PLEKHG5: variants seen among roughly 807,000 people sequenced by gnomAD.
PLEKHG5 encodes pleckstrin homology domain-containing family G member 5.
PLEKHG5 carries 52 observed loss-of-function variants against 103.8 expected under a neutral mutation model. The observed-to-expected ratio is 0.50, with a 90% CI of 0.40 to 0.63. The LOEUF (loss-of-function observed/expected upper bound fraction) is 0.63. Ranked by LOEUF, PLEKHG5 falls within the 30% of genes least tolerant of loss-of-function variation. The pLI, the probability that PLEKHG5 is intolerant of heterozygous loss-of-function variation, is 0.00. For missense variants in PLEKHG5, 1,205 were observed against 1,347.6 expected (o/e 0.89, Z 1.66); for synonymous variants, 592 against 575.5 (o/e 1.03, Z -0.41).
chr1:6,470,588 T>C lies in PLEKHG5; in HGVS notation c.1598A>G (p.Gln533Arg). 1 of 1,602,940 alleles carries C rather than the reference T, an allele frequency of 6.2e-7. No individual in the cohort carries two copies. Among genetic ancestry groups the C allele is most frequent in the Middle Eastern group, 1.7e-4 (1 of 5,822 alleles). The change falls in exon 15 of 21, where the codon CAG (glutamine) becomes CGG (arginine). Residue 533 changes from glutamine (Q) to arginine (R), a missense_variant. Gln to Arg is a conservative substitution (Grantham distance 43). Transcript: ENST00000377728. ...CACGGCCGCCAGCCGCTGCCGCTCC[T>C]GCCGCTGCCGCATGCACGCGTTCAC... ...HHVNACMRQRQERQRLAAVVS... is the reference protein window; with the variant it reads ...HHVNACMRQRRERQRLAAVVS...
At chr1:6,492,193 A>G (rs1367078784), upstream of PLEKHG5, among the ~76,000 whole-genome samples, 1 of 152,180 alleles carries the variant, frequency 6.6e-6, no homozygotes, top group Admixed American at 6.5e-5. Context: ...CCTGGCATAC[A>G]GTACGTGCTG....
rs1407991157 is a variant in PLEKHG5, at chr1:6,486,451, C to G, written c.-88+5186G>C. On this transcript the variant is annotated intron_variant, in intron 1 of 20. Coordinates refer to ENST00000377728, the MANE Select transcript of PLEKHG5 (RefSeq NM_020631.6). The surrounding 1 kb of genome is among the most constrained non-coding windows in gnomAD (Gnocchi z 5.3). ...CCCCTCACACCGACTGCTCACTGCC[C>G]AGGTACGGCAGAGGCCGAGAGCCAA... 6.6e-6 allele frequency among the ~76,000 whole-genome samples: 1 copy of G among 152,240 alleles called. No homozygotes were observed. The highest frequency in any genetic ancestry group is 1.9e-4 in the East Asian group (1 of 5,192).
intron 1 of PLEKHG5, among the ~76,000 whole-genome samples, chr1:6,515,840 G>A (rs1638597156): frequency 6.6e-6 from 1 of 152,152 alleles, no homozygotes; most frequent in African/African-American, 2.4e-5. Context: ...AAGAGCCATG[G>A]CATTTCAGCA....
intron 1 of PLEKHG5, among the ~76,000 whole-genome samples, chr1:6,509,254 T>C (rs897120205): frequency 2.6e-5 from 4 of 152,192 alleles, no homozygotes; most frequent in Admixed American, 1.3e-4. Flanking sequence ...CCACCTCTGG[T>C]TCCTTCTGTG....
At chr1:6,519,334 T>C in intron 1 of PLEKHG5, 1 of 862,358 alleles carries the variant, frequency 1.2e-6, no homozygotes, top group South Asian at 1.3e-5. Flanking sequence ...CCGTCCGGAC[T>C]AATTCAGTGA....
At chr1:6,512,312 T>G (rs1303372625) in intron 1 of PLEKHG5, among the ~76,000 whole-genome samples, 1 of 152,188 alleles carries the variant, frequency 6.6e-6, no homozygotes, top group Non-Finnish European at 1.5e-5. Context: ...TCAGCACTGT[T>G]CAAGCCCTGA....
chr1:6,477,502 C>G, intron 2 of PLEKHG5, 27 bp downstream of exon 2: 3 of 1,606,950 alleles, frequency 1.9e-6, no homozygotes, highest in African/African-American at 1.3e-5. Flanking sequence ...CTCTGGGGGC[C>G]GAGCTGCGGC....
In PLEKHG5 at chr1:6,486,313, C is replaced by A. The variant is rs1004916870; in HGVS notation, c.-88+5324G>T. 6.6e-6 allele frequency among the ~76,000 whole-genome samples: 1 copy of A among 152,046 alleles called. No homozygotes were observed. Among genetic ancestry groups the A allele is most frequent in the Non-Finnish European group, 1.5e-5 (1 of 67,988 alleles). On this transcript the variant is annotated intron_variant, in intron 1 of 20. Transcript: ENST00000377728. This position sits in a 1 kb window ranked among gnomAD's most constrained non-coding sequence, Gnocchi z 5.3. ...CCAGGGACACCCCTCTCTGCTCCAA[C>A]ACCAGCTTTGAGCCCCAGTCACACA... is the stretch of plus-strand genomic sequence containing the variant.
chr1:6,475,654 G>T (rs568255828), intron 3 of PLEKHG5, 132 bp from the exon 4 acceptor site: 11 of 830,852 alleles, frequency 1.3e-5, no homozygotes, highest in African/African-American at 1.0e-4. Context: ...ATTCAACCCG[G>T]CCAGGCCCGC....
In PLEKHG5 at chr1:6,469,566, C is replaced by T. The variant is rs1644505902; in HGVS notation, c.1911G>A (p.Val637=). The T allele has an allele frequency of 5.6e-6, 9 of 1,613,790 alleles. No homozygotes were observed. The highest frequency in any genetic ancestry group is 7.6e-6 in the Non-Finnish European group (9 of 1,180,056). ...TACCAGGGTCCCGTAGCTCCCGGCA[C>T]ACAATCTTGTCCACGAGCAGGGGTG... The part of the protein sequence containing the change: ...IRPPLLVDKI[V]CRELRDPGSF... The change falls in exon 17 of 21, where the codon GTG becomes GTA. Residue 637 remains valine (V), a synonymous_variant. Coordinates refer to ENST00000377728, the MANE Select transcript of PLEKHG5 (RefSeq NM_020631.6).
chr1:6,507,520 A>G (rs1372354797), intron 1 of PLEKHG5, among the ~76,000 whole-genome samples: 1 of 152,232 alleles, frequency 6.6e-6, no homozygotes, highest in Non-Finnish European at 1.5e-5. Flanking sequence ...CTGAAGGAGC[A>G]GAGCCAGGGC....
chr1:6,471,716 T>C (rs1047472923), intron 11 of PLEKHG5, 42 bp downstream of exon 11: 2 of 1,596,508 alleles, frequency 1.3e-6, no homozygotes, highest in Non-Finnish European at 8.5e-7. Context: ...CCGCCCTCCT[T>C]CCTGGTACCT....
intron 1 of PLEKHG5, among the ~76,000 whole-genome samples, chr1:6,485,011 G>A (rs1380134246): frequency 6.6e-6 from 1 of 152,162 alleles, no homozygotes; most frequent in Non-Finnish European, 1.5e-5. Context: ...GGCAGAGGAA[G>A]GAAAGGAGAG....
chr1:6,502,950 C>T (rs984255630), intron 1 of PLEKHG5, among the ~76,000 whole-genome samples: 16 of 152,224 alleles, frequency 1.1e-4, no homozygotes, highest in African/African-American at 2.2e-4. Flanking sequence ...CAGGCACACA[C>T]GGGTGAACAG....
rs779969203 is a variant in PLEKHG5, at chr1:6,477,549, C to T, written c.23G>A (p.Arg8His). 2.0e-5 allele frequency: 32 copies of T among 1,612,106 alleles called. No individual in the cohort carries two copies. Among genetic ancestry groups the T allele is most frequent in the Non-Finnish European group, 2.5e-5 (30 of 1,179,914 alleles). ...CTCACCTTGTGGGGGAAGGTCGAAG[C>T]GGACATGCCCATCATAATGCATGGT... is the stretch of plus-strand genomic sequence containing the variant. MHYDGHV[R>H]FDLPPQGSVL... Residue 8 changes from arginine (R) to histidine (H), a missense_variant, in exon 2 of 21, where the codon CGC becomes CAC. Coordinates refer to ENST00000377728, the MANE Select transcript of PLEKHG5 (RefSeq NM_020631.6).
At chr1:6,518,184 A>G (rs550988939) in intron 1 of PLEKHG5, among the ~76,000 whole-genome samples, 38 of 151,940 alleles carry the variant, frequency 2.5e-4, no homozygotes, top group Admixed American at 1.9e-3. Flanking sequence ...CGCCCGCCTC[A>G]GCCTCCCAAA....
rs1466575694 is a variant in PLEKHG5 at position 6,469,760 on chromosome 1, T to C, written c.1801-84A>G. 4 of 1,373,342 alleles carry C rather than the reference T, an allele frequency of 2.9e-6. No homozygotes were observed. The African/African-American group carries it at 5.8e-5, about 20-fold the overall frequency. 85.1% of individuals were successfully genotyped at this position (1,373,342 alleles called of 1,614,324 possible). A position where few individuals can be genotyped will look rare whatever the true frequency, so the allele number is the denominator to read the frequency against. On this transcript the variant is annotated intron_variant, in intron 16 of 20. Transcript: ENST00000377728. ...TGGCACCAGCCTCCCCTGGGAGCAC[T>C]CGGTTTTTGTCAAACACTCCTCCCA...
At chr1:6,479,554 G>A (rs1644850746) in intron 1 of PLEKHG5, among the ~76,000 whole-genome samples, 1 of 151,766 alleles carries the variant, frequency 6.6e-6, no homozygotes, top group Admixed American at 6.6e-5. Context: ...CCAAAGTGCT[G>A]GGATTACACG....
At chr1:6,482,495 T>C (rs1644928989) in intron 1 of PLEKHG5, among the ~76,000 whole-genome samples, 1 of 152,134 alleles carries the variant, frequency 6.6e-6, no homozygotes, top group Non-Finnish European at 1.5e-5. Context: ...GTGTTTTTAA[T>C]GTGGTCGTCA....
Sources: gnomAD v4.1 joint callset for allele counts (sites outside exome capture counted in the v4.1 genomes callset) on GRCh38, gnomAD v4.1.1 for gene constraint, Gnocchi (gnomAD v3.1) non-coding constraint, MANE v1.5 for transcripts, NCBI Gene and HGNC (gene_info 2026-07-23, HGNC 2026-07-21) for gene names.